Variants in HOOK3 observed in about 807,000 individuals in gnomAD.
The protein encoded by HOOK3 is hook microtubule tethering protein 3.
Under a neutral mutation model 116.3 loss-of-function variants are expected in HOOK3, and 24 were observed. That is an observed-to-expected ratio of 0.21 (90% CI 0.15 to 0.29). The LOEUF (loss-of-function observed/expected upper bound fraction) is 0.29. Ranked by LOEUF, HOOK3 falls within the 10% of genes least tolerant of loss-of-function variation. HOOK3 has a pLI of 1.00. For synonymous variants in HOOK3, 275 were observed against 283.0 expected (o/e 0.97, Z 0.28); for missense variants, 632 against 830.2 (o/e 0.76, Z 2.93).
At chr8:42,929,106 T>C (rs1284654954) in intron 3 of HOOK3, among the ~76,000 whole-genome samples, 3 of 152,176 alleles carry the variant, frequency 2.0e-5, no homozygotes, top group Admixed American at 2.0e-4. Context: ...TTTAAAAAAC[T>C]ACCATTTTAA....
intron 9 of HOOK3, among the ~76,000 whole-genome samples, chr8:42,964,838 A>G (rs1250255863): frequency 1.3e-5 from 2 of 151,970 alleles, no homozygotes; most frequent in Admixed American, 6.6e-5. Flanking sequence ...AAAAAAAAAA[A>G]GAAAAAAAAA....
chr8:42,985,497 G>A (rs139358547), intron 14 of HOOK3, among the ~76,000 whole-genome samples: 170 of 152,272 alleles, frequency 1.1e-3, no homozygotes, highest in African/African-American at 3.9e-3. Flanking sequence ...GAGTATACGT[G>A]CATAGAATTA....
chr8:42,985,504 A>G (rs1309947025), intron 14 of HOOK3, among the ~76,000 whole-genome samples: 2 of 152,212 alleles, frequency 1.3e-5, no homozygotes, highest in African/African-American at 4.8e-5. Flanking sequence ...CGTGCATAGA[A>G]TTAGAAGGCT....
At chr8:42,936,894 G>C (rs1034125442) in intron 4 of HOOK3, among the ~76,000 whole-genome samples, 4 of 152,128 alleles carry the variant, frequency 2.6e-5, no homozygotes, top group Non-Finnish European at 2.9e-5. Context: ...TCAGGATGAT[G>C]CTGGCCTCAT....
intron 1 of HOOK3, among the ~76,000 whole-genome samples, chr8:42,899,877 A>G (rs1021494669): frequency 2.0e-5 from 3 of 152,218 alleles, no homozygotes; most frequent in Non-Finnish European, 4.4e-5. Context: ...TCATAATTAT[A>G]TTCCTGAGTA....
At position 42,943,344 on chromosome 8, in the gene HOOK3, T is replaced by C; in HGVS notation, c.299T>C (p.Leu100Pro). The C allele has an allele frequency of 1.9e-6, 3 of 1,544,442 alleles. No individual in the cohort carries two copies. Among genetic ancestry groups the C allele is most frequent in the Non-Finnish European group, 2.6e-6 (3 of 1,143,254 alleles). Residue 100 changes from leucine (L) to proline (P), a missense_variant, in exon 5 of 22, where the codon CTT (leucine) becomes CCT (proline). By Grantham distance (98) the Leu-to-Pro change is moderately conservative (BLOSUM62 -3). Coordinates refer to ENST00000307602, the MANE Select transcript of HOOK3 (RefSeq NM_032410.4). ...ILGQQINDFT[L>P]PDVNLIGEHS... The stretch of plus-strand genomic sequence containing the variant: ...GGACAGCAAATTAATGACTTTACCC[T>C]TCCTGATGTGAACCTTATTGGGGAG...
intron 2 of HOOK3, among the ~76,000 whole-genome samples, chr8:42,918,846 C>A (rs1807584270): frequency 6.6e-6 from 1 of 152,252 alleles, no homozygotes; most frequent in African/African-American, 2.4e-5. Context: ...CAGTAACAAT[C>A]TGATCTCTCT....
intron 17 of HOOK3, 32 bp downstream of exon 17, chr8:43,002,173 C>T: frequency 6.5e-7 from 1 of 1,542,258 alleles, no homozygotes; most frequent in African/African-American, 1.4e-5. Context: ...GCTGATTCTT[C>T]TATAGTGGAA....
rs34242561 is a variant in HOOK3 at position 43,022,467 on chromosome 8, T to C, written c.*3969T>C. 0.048 allele frequency: 9,492 copies of C among 198,102 alleles called. 297 individuals carry two copies. The highest frequency in any genetic ancestry group is 0.086 in the South Asian group (449 of 5,218). The allele number at this position is 198,102 out of a possible 1,614,324, so 12.3% of individuals were successfully genotyped here. On this transcript the variant is annotated 3_prime_UTR_variant, in exon 22 of 22. Transcript: ENST00000307602. ...TGTCACCACAGTGTCTGAAGTCTTA[T>C]AAACAGGAAGATCATTTTCTGTTTT...
chr8:42,922,315 G>A (rs1005899087), intron 2 of HOOK3, among the ~76,000 whole-genome samples: 2 of 152,064 alleles, frequency 1.3e-5, no homozygotes, highest in Non-Finnish European at 2.9e-5. Flanking sequence ...GCCAAGGCAG[G>A]AGAATCACTT....
At chr8:42,953,021 T>C (rs533569366) in intron 6 of HOOK3, among the ~76,000 whole-genome samples, 1 of 152,136 alleles carries the variant, frequency 6.6e-6, no homozygotes, top group East Asian at 1.9e-4. Flanking sequence ...AGGAAAGAGT[T>C]ATCCACCTCC....
In HOOK3 at chr8:42,973,513, C is replaced by G. The variant is rs932643288; in HGVS notation, c.1233+114C>G. 7 of 684,166 alleles carry G rather than the reference C, an allele frequency of 1.0e-5. No individual in the cohort carries two copies. In the East Asian group the frequency reaches 2.0e-4, roughly 20 times the overall value. The allele number at this position is 684,166 out of a possible 1,614,324, so 42.4% of individuals were successfully genotyped here. A position where few individuals can be genotyped will look rare whatever the true frequency, so the allele number is the denominator to read the frequency against. Reference sequence around the variant, plus strand: ...GTTATGAATTTAAAAATTAGAAATCCTATTTATTTTTAAGCTGTAGGAGAA... The same window carrying G: ...GTTATGAATTTAAAAATTAGAAATCGTATTTATTTTTAAGCTGTAGGAGAA... On this transcript the variant is annotated intron_variant, in intron 12 of 21. Transcript: ENST00000307602.
At chr8:42,958,022 C>T (rs556978646) in intron 7 of HOOK3, among the ~76,000 whole-genome samples, 7 of 151,856 alleles carry the variant, frequency 4.6e-5, no homozygotes, top group Non-Finnish European at 5.9e-5. Context: ...TTAGTAGAGA[C>T]GGGGTTTCAC....
intron 16 of HOOK3, chr8:42,998,265 G>GT (rs1809318349): frequency 6.6e-6 from 1 of 152,412 alleles, no homozygotes; most frequent in Non-Finnish European, 1.5e-5. Flanking sequence ...CGGCAAAAGT[G>GT]TAAGTAAGTC....
Position 43,007,827 on chromosome 8 carries a change from T to C in HOOK3, c.1656-20T>C. On this transcript the variant is annotated intron_variant, in intron 17 of 21. Coordinates refer to ENST00000307602, the MANE Select transcript of HOOK3 (RefSeq NM_032410.4). ...AAATTACAGAAGCAGTAGTAGGTGA[T>C]GTTTACCTGTTTGTTACAGAGAGAA... The C allele has an allele frequency of 6.7e-7, 1 of 1,492,538 alleles. No homozygotes were observed. The highest frequency in any genetic ancestry group is 9.2e-7 in the Non-Finnish European group (1 of 1,087,190). 92.5% of individuals were successfully genotyped at this position (1,492,538 alleles called of 1,614,324 possible).
chr8:42,998,902 A>G (rs549182010), intron 16 of HOOK3, among the ~76,000 whole-genome samples: 1 of 152,336 alleles, frequency 6.6e-6, no homozygotes, highest in East Asian at 1.9e-4. Context: ...AATATTATTA[A>G]GCCTAATTAA....
intron 1 of HOOK3, among the ~76,000 whole-genome samples, chr8:42,898,894 C>A (rs1381707661): frequency 6.6e-6 from 1 of 152,208 alleles, no homozygotes; most frequent in African/African-American, 2.4e-5. Context: ...CCTTAGCCTA[C>A]AATTGGGCAA....
intron 13 of HOOK3, among the ~76,000 whole-genome samples, chr8:42,978,410 A>ATT (rs780491369): frequency 4.1e-5 from 5 of 120,998 alleles, no homozygotes; most frequent in African/African-American, 6.0e-5. Context: ...TGCCTGGCTA[A>ATT]TTTTTTTTTT....
intron 4 of HOOK3, among the ~76,000 whole-genome samples, chr8:42,933,436 G>T (rs1014522927): frequency 6.6e-6 from 1 of 152,108 alleles, no homozygotes; most frequent in Admixed American, 6.6e-5. Flanking sequence ...GTGGGGCCTG[G>T]GGTTACACCA....
Sources: gnomAD v4.1 joint callset for allele counts (sites outside exome capture counted in the v4.1 genomes callset) on GRCh38, gnomAD v4.1.1 for gene constraint, MANE v1.5 for transcripts, NCBI Gene and HGNC (gene_info 2026-07-23, HGNC 2026-07-21) for gene names.